Variants in CMSS1 observed in about 807,000 individuals in gnomAD.
CMSS1 encodes protein CMSS1.
Under a neutral mutation model 43.5 loss-of-function variants are expected in CMSS1, and 33 were observed. The observed-to-expected ratio is 0.76, with a 90% CI of 0.57 to 1.01. The LOEUF (loss-of-function observed/expected upper bound fraction) is 1.01, where lower values mean the gene tolerates loss of function less well. CMSS1 is among the 50% of genes least tolerant of loss of function. The pLI, the probability that CMSS1 is intolerant of heterozygous loss-of-function variation, is 0.00. For synonymous variants in CMSS1, 115 were observed against 117.2 expected, an observed-to-expected ratio of 0.98 and a Z score of 0.12; for missense variants, 313 against 326.4, an observed-to-expected ratio of 0.96 and a Z score of 0.32.
chr3:99,998,859 G>A (rs1020727493), intron 1 of CMSS1, among the ~76,000 whole-genome samples: 5 of 152,232 alleles, frequency 3.3e-5, no homozygotes, highest in South Asian at 2.1e-4. Context: ...GTGAGCCACC[G>A]CGCCCGGCCA....
At chr3:99,978,408 A>T (rs1426660369) in intron 1 of CMSS1, among the ~76,000 whole-genome samples, 1 of 152,194 alleles carries the variant, frequency 6.6e-6, no homozygotes, top group Non-Finnish European at 1.5e-5. Context: ...AGATGAATGG[A>T]TAAAGAAAAT....
intron 2 of CMSS1, among the ~76,000 whole-genome samples, chr3:100,154,975 C>T (rs1032243565): frequency 1.3e-5 from 2 of 152,032 alleles, no homozygotes; most frequent in African/African-American, 4.8e-5. Flanking sequence ...GACTCTGTCT[C>T]AAAAAATAAA....
At chr3:99,929,865 T>C in intron 1 of CMSS1, 1 of 1,611,908 alleles carries the variant, frequency 6.2e-7, no homozygotes. Context: ...CCTCATTCAT[T>C]GGTTTCTCAT....
intron 1 of CMSS1, among the ~76,000 whole-genome samples, chr3:100,068,068 G>C (rs546822834): frequency 6.6e-6 from 1 of 152,146 alleles, no homozygotes; most frequent in African/African-American, 2.4e-5. Flanking sequence ...TGGGAATTTA[G>C]GAATAACTAC....
chr3:100,044,767 G>A lies in CMSS1; in HGVS notation c.65-102206G>A, dbSNP rs539887641. ...CTCATCACACAGTAGATGAGAGAAGGAAACCAATGTGAAAAAGGCTGGTGC... is the reference window on the plus strand; with the variant it reads ...CTCATCACACAGTAGATGAGAGAAGAAAACCAATGTGAAAAAGGCTGGTGC... On this transcript the variant is annotated intron_variant, in intron 1 of 9. Transcript: ENST00000421999. Among the ~76,000 whole-genome samples, 53 of 152,236 alleles carry A rather than the reference G, an allele frequency of 3.5e-4. 1 individual carries two copies. The South Asian group carries it at 0.011, about 31-fold the overall frequency.
At chr3:99,941,111 G>C (rs751143869) in intron 1 of CMSS1, among the ~76,000 whole-genome samples, 2 of 152,142 alleles carry the variant, frequency 1.3e-5, no homozygotes, top group African/African-American at 4.8e-5. Context: ...TCTCTTTTTA[G>C]GGGAAGAGAG....
chr3:99,842,964 C>T (rs1243209549), intron 1 of CMSS1, among the ~76,000 whole-genome samples: 1 of 152,120 alleles, frequency 6.6e-6, no homozygotes, highest in South Asian at 2.1e-4. Context: ...ATATTGACTG[C>T]CCAAAAGCCT....
intron 1 of CMSS1, among the ~76,000 whole-genome samples, chr3:99,918,939 G>A (rs793439): frequency 0.51 from 77,058 of 152,014 alleles, 19,933 homozygotes; most frequent in African/African-American, 0.59. Context: ...AATACAAATA[G>A]CTCCTTGCCA....
chr3:100,106,661 C>T (rs1217361465), intron 1 of CMSS1, among the ~76,000 whole-genome samples: 1 of 152,156 alleles, frequency 6.6e-6, no homozygotes, highest in Non-Finnish European at 1.5e-5. Context: ...TATGCATGCT[C>T]ACCTGGCCTA....
At chr3:100,153,873 T>A (rs192452970) in intron 2 of CMSS1, among the ~76,000 whole-genome samples, 19 of 151,716 alleles carry the variant, frequency 1.3e-4, no homozygotes, top group Admixed American at 3.9e-4. Flanking sequence ...TTTTTTAAGA[T>A]GGAGTCTTGC....
intron 1 of CMSS1, among the ~76,000 whole-genome samples, chr3:99,860,092 T>C (rs1425156509): frequency 1.3e-5 from 2 of 152,224 alleles, no homozygotes; most frequent in South Asian, 2.1e-4. Context: ...TCCTTGTTAC[T>C]GAAGATCCTG....
At chr3:100,121,399 G>A (rs2066618779) in intron 1 of CMSS1, among the ~76,000 whole-genome samples, 1 of 152,068 alleles carries the variant, frequency 6.6e-6, no homozygotes, top group African/African-American at 2.4e-5. Flanking sequence ...CTTCATTCAT[G>A]TCCCTGCAAA....
chr3:99,888,206 A>T (rs912767197), intron 1 of CMSS1, among the ~76,000 whole-genome samples: 1 of 152,170 alleles, frequency 6.6e-6, no homozygotes, highest in Non-Finnish European at 1.5e-5. Context: ...CTTATTAAAT[A>T]TTAGAATAGC....
chr3:100,176,368 T>C lies in CMSS1; in HGVS notation c.709T>C (p.Trp237Arg), dbSNP rs187702683. 5 of 1,613,842 alleles carry C rather than the reference T, an allele frequency of 3.1e-6. No homozygotes were observed. The highest frequency in any genetic ancestry group is 2.2e-5 in the East Asian group (1 of 44,880). ...LSPLKFLVFD[W>R]NWRDQKLRRM... ...CCCCTTAAAATTTCTGGTTTTTGAC[T>C]GGAACTGGAGAGATCAGAAGTTGAG... Residue 237 changes from tryptophan (W) to arginine (R), a missense_variant, in exon 9 of 10, where the codon TGG (tryptophan) becomes CGG (arginine). Transcript: ENST00000421999.
intron 1 of CMSS1, among the ~76,000 whole-genome samples, chr3:100,117,595 G>A (rs1344349926): frequency 6.6e-6 from 1 of 151,612 alleles, no homozygotes; most frequent in East Asian, 1.9e-4. Context: ...CATAAAGTGT[G>A]GCTAATTCAA....
chr3:100,099,509 A>T (rs192235822), intron 1 of CMSS1, among the ~76,000 whole-genome samples: 44 of 152,284 alleles, frequency 2.9e-4, no homozygotes, highest in African/African-American at 1.1e-3. Context: ...TCTAGGTGAT[A>T]TAAAAGTATT....
chr3:99,986,149 A>G (rs190409140), intron 1 of CMSS1, among the ~76,000 whole-genome samples: 23 of 152,332 alleles, frequency 1.5e-4, no homozygotes, highest in Admixed American at 3.9e-4. Context: ...AATTGTTTTT[A>G]TTTTAATAAG....
intron 2 of CMSS1, among the ~76,000 whole-genome samples, chr3:100,157,479 GA>G (rs2066985904): frequency 6.6e-6 from 1 of 152,236 alleles, no homozygotes. Flanking sequence ...AAACAGTGAT[GA>G]GTTGGGTTTG....
At chr3:99,846,676 C>T (rs1400160119) in intron 1 of CMSS1, among the ~76,000 whole-genome samples, 1 of 152,142 alleles carries the variant, frequency 6.6e-6, no homozygotes, top group Non-Finnish European at 1.5e-5. Context: ...CAGTTCGTCA[C>T]CATGGAAGTG....
Sources: gnomAD v4.1 joint callset for allele counts (sites outside exome capture counted in the v4.1 genomes callset) on GRCh38, gnomAD v4.1.1 for gene constraint, MANE v1.5 for transcripts, NCBI Gene and HGNC (gene_info 2026-07-23, HGNC 2026-07-21) for gene names.